PCSK2: variants seen among roughly 807,000 people sequenced by gnomAD.
The protein encoded by PCSK2 is proprotein convertase subtilisin/kexin type 2.
Under a neutral mutation model 69.7 loss-of-function variants are expected in PCSK2, and 14 were observed. The ratio of observed to expected loss-of-function variants is 0.20; its 90% CI spans 0.13 to 0.31. The LOEUF is 0.31. PCSK2 is among the 10% of genes least tolerant of loss of function. The pLI, the probability that PCSK2 is intolerant of heterozygous loss-of-function variation, is 1.00. For synonymous variants in PCSK2, 307 were observed against 320.7 expected (o/e 0.96, Z 0.46); for missense variants, 544 against 842.5 (o/e 0.65, Z 4.39).
At position 17,483,235 on chromosome 20, in the gene PCSK2, G is replaced by A. The variant is rs1209902457; in HGVS notation, c.*1165G>A. The A allele has an allele frequency of 2.0e-5, 3 of 152,130 alleles. No homozygotes were observed. Among genetic ancestry groups the A allele is most frequent in the South Asian group, 2.1e-4 (1 of 4,822 alleles). The allele number at this position is 152,130 out of a possible 1,614,324, so 9.4% of individuals were successfully genotyped here. A position where few individuals can be genotyped will look rare whatever the true frequency, so the allele number is the denominator to read the frequency against. On this transcript the variant is annotated 3_prime_UTR_variant, in exon 12 of 12. Transcript: ENST00000262545. ...TCACATAGTTCTCCAGTTGTATGGA[G>A]CCTCTTCTGCCAAGAGAGGGCCATG...
intron 11 of PCSK2, among the ~76,000 whole-genome samples, chr20:17,469,351 C>T (rs956271736): frequency 1.3e-5 from 2 of 152,088 alleles, no homozygotes; most frequent in African/African-American, 2.4e-5. Flanking sequence ...CTCGCACAGT[C>T]GAGGTGGGAG....
chr20:17,283,138 A>G (rs539267995), intron 2 of PCSK2, among the ~76,000 whole-genome samples: 2 of 152,316 alleles, frequency 1.3e-5, no homozygotes, highest in Non-Finnish European at 2.9e-5. Context: ...TTCAAACAGA[A>G]AGGCAAAAGA....
chr20:17,351,793 C>T (rs78307191), intron 2 of PCSK2, among the ~76,000 whole-genome samples: 1,910 of 152,208 alleles, frequency 0.013, 14 homozygotes, highest in East Asian at 0.034. Context: ...AGAAACAAGA[C>T]AAAGATGCCT....
chr20:17,276,058 T>G (rs1308493449), intron 2 of PCSK2, among the ~76,000 whole-genome samples: 1 of 152,128 alleles, frequency 6.6e-6, no homozygotes, highest in Admixed American at 6.6e-5. Context: ...TAATATTTTG[T>G]TCTCTAGCAT....
At chr20:17,289,781 T>G (rs956012724) in intron 2 of PCSK2, among the ~76,000 whole-genome samples, 3 of 152,198 alleles carry the variant, frequency 2.0e-5, no homozygotes, top group Non-Finnish European at 4.4e-5. Context: ...ATATAGCTTT[T>G]GAAAGCTGCA....
chr20:17,281,652 A>G (rs1230827548), intron 2 of PCSK2, among the ~76,000 whole-genome samples: 1 of 151,896 alleles, frequency 6.6e-6, no homozygotes, highest in African/African-American at 2.4e-5. Context: ...CTTTTATCAT[A>G]CTCTCACCTT....
At chr20:17,388,638 C>A (rs2031297074) in intron 5 of PCSK2, among the ~76,000 whole-genome samples, 1 of 151,978 alleles carries the variant, frequency 6.6e-6, no homozygotes, top group African/African-American at 2.4e-5. Flanking sequence ...GCACTAGGGT[C>A]CTGAAGGAGT....
chr20:17,398,706 G>A (rs1460029909), intron 5 of PCSK2, among the ~76,000 whole-genome samples: 1 of 151,634 alleles, frequency 6.6e-6, no homozygotes, highest in African/African-American at 2.4e-5. Flanking sequence ...TCTCAACCTG[G>A]ACTATACATC....
chr20:17,367,526 T>C (rs1381682621), intron 4 of PCSK2, among the ~76,000 whole-genome samples: 1 of 152,236 alleles, frequency 6.6e-6, no homozygotes, highest in Non-Finnish European at 1.5e-5. Flanking sequence ...TCAAAGCCTA[T>C]GCTCATCCCC....
chr20:17,421,036 C>T (rs1256317015), intron 6 of PCSK2, among the ~76,000 whole-genome samples: 1 of 152,206 alleles, frequency 6.6e-6, no homozygotes, highest in African/African-American at 2.4e-5. Flanking sequence ...GTAGCATTCA[C>T]CCACCTTTCT....
intron 5 of PCSK2, among the ~76,000 whole-genome samples, chr20:17,401,283 A>G (rs748486319): frequency 1.3e-5 from 2 of 152,252 alleles, no homozygotes; most frequent in Non-Finnish European, 2.9e-5. Flanking sequence ...TCTATTGGCT[A>G]CAGTTCTGGA....
chr20:17,263,362 G>A (rs1987466459), intron 2 of PCSK2, among the ~76,000 whole-genome samples: 1 of 152,246 alleles, frequency 6.6e-6, no homozygotes, highest in Non-Finnish European at 1.5e-5. Context: ...TGTTAAAGAT[G>A]TTCGCTTCTC....
intron 8 of PCSK2, among the ~76,000 whole-genome samples, chr20:17,439,577 C>T (rs539625990): frequency 4.6e-5 from 7 of 152,316 alleles, no homozygotes; most frequent in African/African-American, 1.4e-4. Flanking sequence ...GAAATGAGCT[C>T]AGTCTGATTA....
At chr20:17,229,635 C>T (rs1418044517) in intron 1 of PCSK2, among the ~76,000 whole-genome samples, 5 of 151,854 alleles carry the variant, frequency 3.3e-5, no homozygotes, top group African/African-American at 1.2e-4. Flanking sequence ...ATCTGAGAGA[C>T]CTCTCTCCTT....
At chr20:17,256,468 C>T (rs753588681) in intron 1 of PCSK2, among the ~76,000 whole-genome samples, 57 of 151,762 alleles carry the variant, frequency 3.8e-4, no homozygotes, top group Non-Finnish European at 1.0e-4. Context: ...CTTTTTGTGT[C>T]TCACAATTTT....
rs775400787 is a variant in PCSK2 at position 17,255,344 on chromosome 20, AT to A, written c.178-4881del. ...TTGAGAAAGTTCCCTTTCATTCCTAATTTTTTTTTTTTTTTGAGACGGAGTC... is the reference window on the plus strand; with the variant it reads ...TTGAGAAAGTTCCCTTTCATTCCTAATTTTTTTTTTTTTTGAGACGGAGTC... On this transcript the variant is annotated intron_variant, in intron 1 of 11. Transcript: ENST00000262545. Among the ~76,000 whole-genome samples the A allele has an allele frequency of 8.6e-3, 1,232 of 143,688 alleles. 9 individuals are homozygous for A. Among genetic ancestry groups the A allele is most frequent in the African/African-American group, 0.021 (842 of 39,604 alleles). 94.3% of individuals were successfully genotyped at this position (143,688 alleles called of 152,430 possible). A position where few individuals can be genotyped will look rare whatever the true frequency, so the allele number is the denominator to read the frequency against.
At chr20:17,359,198 CA>C (rs1201746406) in intron 3 of PCSK2, among the ~76,000 whole-genome samples, 3 of 152,228 alleles carry the variant, frequency 2.0e-5, no homozygotes, top group African/African-American at 7.2e-5. Flanking sequence ...AACTAAATTA[CA>C]GCCTTGTGGA....
At chr20:17,449,536 A>ATATATATATATATGTATG (rs1456677629) in intron 8 of PCSK2, among the ~76,000 whole-genome samples, 1 of 148,430 alleles carries the variant, frequency 6.7e-6, no homozygotes, top group African/African-American at 2.5e-5. Flanking sequence ...GTATATATAT[A>ATATATATATATATGTATG]TATGTATATT....
At chr20:17,271,772 A>C (rs1056678433) in intron 2 of PCSK2, among the ~76,000 whole-genome samples, 1 of 152,158 alleles carries the variant, frequency 6.6e-6, no homozygotes, top group African/African-American at 2.4e-5. Flanking sequence ...AGATTCTTTT[A>C]TCTTTTTAAA....
Sources: gnomAD v4.1 joint callset for allele counts (sites outside exome capture counted in the v4.1 genomes callset) on GRCh38, gnomAD v4.1.1 for gene constraint, MANE v1.5 for transcripts, NCBI Gene and HGNC (gene_info 2026-07-23, HGNC 2026-07-21) for gene names.